Variants in KCNH5 observed in about 807,000 individuals in gnomAD.
KCNH5 encodes the protein voltage-gated delayed rectifier potassium channel KCNH5.
In KCNH5, 46 loss-of-function variants were observed where a neutral mutation model predicts 96.1. The observed-to-expected ratio is 0.48, with a 90% CI of 0.38 to 0.61. The LOEUF (loss-of-function observed/expected upper bound fraction) is 0.61, where lower values mean the gene tolerates loss of function less well. Among genes scored for constraint, KCNH5 ranks in the 20% least tolerant of loss-of-function variants. KCNH5 has a pLI of 0.00. For synonymous variants in KCNH5, 439 were observed against 449.8 expected, an observed-to-expected ratio of 0.98 and a Z score of 0.30; for missense variants, 907 against 1,225.8, an observed-to-expected ratio of 0.74 and a Z score of 3.88.
At position 62,701,268 on chromosome 14, in the gene KCNH5, G is replaced by C. The variant is rs1566631572; in HGVS notation, c.*6240C>G. 6.6e-6 allele frequency: 1 copy of C among 152,060 alleles called. No individual in the cohort carries two copies. The highest frequency in any genetic ancestry group is 1.5e-5 in the Non-Finnish European group (1 of 67,980). The allele number at this position is 152,060 out of a possible 1,614,324, so 9.4% of individuals were successfully genotyped here. A position where few individuals can be genotyped will look rare whatever the true frequency, so the allele number is the denominator to read the frequency against. On this transcript the variant is annotated 3_prime_UTR_variant, in exon 11 of 11. Coordinates refer to ENST00000322893, the MANE Select transcript of KCNH5 (RefSeq NM_139318.5). Reference sequence around the variant, plus strand: ...GACAAGCTTTCAAACTGCTTCCAAAGGTTTTTGTTAAAACCTTAATGACAA... The same window carrying C: ...GACAAGCTTTCAAACTGCTTCCAAACGTTTTTGTTAAAACCTTAATGACAA...
intron 10 of KCNH5, among the ~76,000 whole-genome samples, chr14:62,759,896 G>A (rs1566651602): frequency 6.6e-6 from 1 of 152,086 alleles, no homozygotes; most frequent in Admixed American, 6.5e-5. Context: ...GAAGAAGCCA[G>A]CTTCACCTGA....
chr14:63,009,412 T>C (rs1345900169), intron 2 of KCNH5, among the ~76,000 whole-genome samples: 4 of 152,166 alleles, frequency 2.6e-5, no homozygotes, highest in African/African-American at 9.7e-5. Context: ...AAATCACTTA[T>C]CCTAGGAAAA....
chr14:63,001,601 A>G (rs1480827197), intron 3 of KCNH5, 142 bp from the exon 4 acceptor site: 2 of 653,578 alleles, frequency 3.1e-6, no homozygotes, highest in Non-Finnish European at 2.5e-6. Context: ...ATTAATTACT[A>G]CAAACAATCC....
At chr14:62,922,776 G>A (rs1889403205) in intron 7 of KCNH5, among the ~76,000 whole-genome samples, 1 of 151,864 alleles carries the variant, frequency 6.6e-6, no homozygotes, top group Admixed American at 6.6e-5. Context: ...AACACATTAG[G>A]TATAGGAAGA....
intron 6 of KCNH5, among the ~76,000 whole-genome samples, chr14:62,975,576 T>C (rs1282921050): frequency 6.6e-6 from 1 of 152,014 alleles, no homozygotes; most frequent in Admixed American, 6.5e-5. Context: ...CAGAAGTCCT[T>C]GAATCAAATG....
At chr14:62,924,234 A>C (rs1221314199) in intron 7 of KCNH5, among the ~76,000 whole-genome samples, 2 of 151,976 alleles carry the variant, frequency 1.3e-5, no homozygotes, top group Non-Finnish European at 2.9e-5. Flanking sequence ...CAACATCATT[A>C]GTCATTAGGA....
At chr14:62,755,864 AT>A (rs1885611692) in intron 10 of KCNH5, among the ~76,000 whole-genome samples, 1 of 152,222 alleles carries the variant, frequency 6.6e-6, no homozygotes. Context: ...AAATTACATG[AT>A]CATTTCAATT....
rs183600203 is a variant in KCNH5, at chr14:62,706,391, T to C, written c.*1117A>G. 7.0e-4 allele frequency: 106 copies of C among 152,348 alleles called. No individual in the cohort carries two copies. Among genetic ancestry groups the C allele is most frequent in the African/African-American group, 2.5e-3 (104 of 41,596 alleles). The allele number at this position is 152,348 out of a possible 1,614,324, so 9.4% of individuals were successfully genotyped here. On this transcript the variant is annotated 3_prime_UTR_variant, in exon 11 of 11. Coordinates refer to ENST00000322893, the MANE Select transcript of KCNH5 (RefSeq NM_139318.5). Reference sequence around the variant, plus strand: ...CTACTTCTTGGTTGGTTGGTTTGTTTGTTTTACCACATTTCATGTGTTATC... The same window carrying C: ...CTACTTCTTGGTTGGTTGGTTTGTTCGTTTTACCACATTTCATGTGTTATC...
At chr14:63,016,741 T>A in intron 2 of KCNH5, 90 bp downstream of exon 2, 2 of 1,279,792 alleles carry the variant, frequency 1.6e-6, no homozygotes, top group Admixed American at 4.3e-5. Context: ...ATGGTTTGTA[T>A]ATGGGAGTCC....
chr14:62,719,575 C>A (rs1595592875), intron 10 of KCNH5, among the ~76,000 whole-genome samples: 1 of 152,082 alleles, frequency 6.6e-6, no homozygotes, highest in African/African-American at 2.4e-5. Flanking sequence ...GATTTGTAGA[C>A]AAAAAAAGGA....
At chr14:62,719,920 T>TA (rs1243892641) in intron 10 of KCNH5, among the ~76,000 whole-genome samples, 3 of 152,240 alleles carry the variant, frequency 2.0e-5, no homozygotes, top group Non-Finnish European at 4.4e-5. Flanking sequence ...GGATATGTGT[T>TA]AAACATCTAC....
chr14:63,037,011 A>C (rs1891733897), intron 1 of KCNH5, among the ~76,000 whole-genome samples: 1 of 152,174 alleles, frequency 6.6e-6, no homozygotes, highest in Non-Finnish European at 1.5e-5. Context: ...TGCAGAAGGA[A>C]ATGGTGACTA....
At chr14:62,970,080 A>G (rs1890378306) in intron 6 of KCNH5, among the ~76,000 whole-genome samples, 1 of 148,886 alleles carries the variant, frequency 6.7e-6, no homozygotes, top group Admixed American at 6.7e-5. Context: ...AATTAAATCA[A>G]TAAGCCTCTA....
At chr14:62,853,745 C>T (rs1210032929) in intron 7 of KCNH5, among the ~76,000 whole-genome samples, 2 of 151,778 alleles carry the variant, frequency 1.3e-5, no homozygotes, top group African/African-American at 2.4e-5. Flanking sequence ...TGCAGTGGCT[C>T]ATGCCTGTAA....
intron 10 of KCNH5, among the ~76,000 whole-genome samples, chr14:62,743,660 A>G (rs542827708): frequency 4.3e-4 from 65 of 152,216 alleles, no homozygotes; most frequent in African/African-American, 1.4e-3. Flanking sequence ...ACTCTCTTTT[A>G]TATACAAACC....
At chr14:62,968,544 T>C (rs746586963) in intron 6 of KCNH5, among the ~76,000 whole-genome samples, 3 of 152,170 alleles carry the variant, frequency 2.0e-5, no homozygotes, top group Non-Finnish European at 2.9e-5. Flanking sequence ...AAGCAACTCA[T>C]GAGAGGAAAT....
At chr14:62,830,975 C>T (rs1395442181) in intron 8 of KCNH5, among the ~76,000 whole-genome samples, 2 of 152,122 alleles carry the variant, frequency 1.3e-5, no homozygotes, top group African/African-American at 2.4e-5. Flanking sequence ...TTTTCCAAGG[C>T]TTTCCTTATC....
At chr14:62,774,052 A>G (rs915034107) in intron 10 of KCNH5, among the ~76,000 whole-genome samples, 9 of 152,228 alleles carry the variant, frequency 5.9e-5, no homozygotes, top group African/African-American at 2.2e-4. Flanking sequence ...AGAATTCTGC[A>G]TATCATCATA....
chr14:62,990,308 G>A (rs1036472989), intron 4 of KCNH5, among the ~76,000 whole-genome samples: 1 of 151,990 alleles, frequency 6.6e-6, no homozygotes, highest in African/African-American at 2.4e-5. Context: ...AGCATCATGA[G>A]CACAGACTAC....
Sources: allele counts gnomAD v4.1 joint callset (sites outside exome capture counted in the v4.1 genomes callset), GRCh38; gene constraint gnomAD v4.1.1; transcripts MANE v1.5; gene names NCBI Gene and HGNC (gene_info 2026-07-23, HGNC 2026-07-21).